Variants in PIGX observed in about 807,000 individuals in gnomAD.
PIGX encodes phosphatidylinositol glycan anchor biosynthesis class X, also known as GPI alpha-1,4-mannosyltransferase I, stabilizing subunit.
Under a neutral mutation model 28.7 loss-of-function variants are expected in PIGX, and 24 were observed. The observed-to-expected ratio is 0.84, with a 90% CI of 0.60 to 1.17. The LOEUF (loss-of-function observed/expected upper bound fraction) is 1.17. Ranked by LOEUF, PIGX falls within the 50% of genes most tolerant of loss-of-function variation. The pLI, the probability that PIGX is intolerant of heterozygous loss-of-function variation, is 0.00. For synonymous variants in PIGX, 127 were observed against 121.0 expected (o/e 1.05, Z -0.33); for missense variants, 305 against 317.8 (o/e 0.96, Z 0.31).
chr3:196,732,088 A>G, intron 5 of PIGX, among the ~76,000 whole-genome samples: 1 of 150,440 alleles, frequency 6.6e-6, no homozygotes. Flanking sequence ...AGCCTCCCAA[A>G]GTGCTGGGAT....
At chr3:196,721,500 A>T (rs891254737) in intron 2 of PIGX, 1 of 159,356 alleles carries the variant, frequency 6.3e-6, no homozygotes, top group African/African-American at 2.4e-5. Flanking sequence ...TAATGGCGCT[A>T]TCAGAGCTCA....
Position 196,722,436 on chromosome 3 carries a change from G to C in PIGX, c.198G>C (p.Lys66Asn). The stretch of plus-strand genomic sequence containing the variant: ...ACAGAGACCTTTTAATCAAAGTGAA[G>C]TTTGGGGAAAGCATTGAGGACTTGC... Residue 66 changes from lysine (K) to asparagine (N), a missense_variant, in exon 3 of 6, where the codon AAG (lysine) becomes AAC (asparagine). Transcript: ENST00000392391. 1.9e-6 allele frequency: 3 copies of C among 1,612,074 alleles called. No homozygotes were observed. The highest frequency in any genetic ancestry group is 2.2e-5 in the East Asian group (1 of 44,866).
chr3:196,715,633 A>G (rs561441381), intron 1 of PIGX, among the ~76,000 whole-genome samples: 17 of 152,298 alleles, frequency 1.1e-4, no homozygotes, highest in African/African-American at 4.1e-4. Context: ...GCAATATTCA[A>G]TGATAATAAC....
chr3:196,717,437 G>T (rs1259331229), intron 2 of PIGX, among the ~76,000 whole-genome samples: 2 of 152,110 alleles, frequency 1.3e-5, no homozygotes, highest in African/African-American at 4.8e-5. Context: ...ACGTACAGTT[G>T]TCCCTTGGTA....
At chr3:196,731,751 T>G (rs1231921734) in intron 5 of PIGX, among the ~76,000 whole-genome samples, 1 of 152,210 alleles carries the variant, frequency 6.6e-6, no homozygotes, top group Non-Finnish European at 1.5e-5. Context: ...GATTTATTGA[T>G]TTAGCAAATT....
At chr3:196,720,554 G>T (rs73892931) in intron 2 of PIGX, among the ~76,000 whole-genome samples, 2,279 of 152,224 alleles carry the variant, frequency 0.015, 53 homozygotes, top group African/African-American at 0.049. Flanking sequence ...CCCAGAAGTG[G>T]AATTGCTGGA....
At chr3:196,732,235 TATATATATATATATATA>T (rs1479482863) in intron 5 of PIGX, among the ~76,000 whole-genome samples, 12 of 65,208 alleles carry the variant, frequency 1.8e-4, no homozygotes, top group Admixed American at 1.4e-3. Flanking sequence ...TATATATATA[TATATATATATATATATA>T]TATATTTTAT....
chr3:196,719,909 C>T (rs1398369887), intron 2 of PIGX, among the ~76,000 whole-genome samples: 1 of 152,012 alleles, frequency 6.6e-6, no homozygotes, highest in Non-Finnish European at 1.5e-5. Context: ...TCTGCCTCAG[C>T]CTCCCGATTA....
intron 3 of PIGX, among the ~76,000 whole-genome samples, chr3:196,725,509 A>G (rs1712485823): frequency 6.6e-6 from 1 of 152,154 alleles, no homozygotes; most frequent in Non-Finnish European, 1.5e-5. Context: ...TGAGTTGAGG[A>G]GATAAAGTTG....
Position 196,727,972 on chromosome 3 carries a change from C to T in PIGX, c.368C>T (p.Ser123Phe). The change falls in exon 4 of 6, where the codon TCC (serine) becomes TTC (phenylalanine). Residue 123 changes from serine to phenylalanine, a missense_variant. Ser to Phe is a radical substitution (Grantham distance 155, BLOSUM62 -2). Coordinates refer to ENST00000392391, the MANE Select transcript of PIGX (RefSeq NM_017861.4). ...GATATAGAGGCCCCTAACTATTTGT[C>T]CAAGGAGTCTGAAGTTCTCATTTAT... The T allele has an allele frequency of 5.6e-6, 9 of 1,613,998 alleles. No homozygotes were observed. Among genetic ancestry groups the T allele is most frequent in the South Asian group, 3.3e-5 (3 of 91,076 alleles).
chr3:196,712,680 G>T, intron 1 of PIGX, 36 bp downstream of exon 1: 1 of 1,176,368 alleles, frequency 8.5e-7, no homozygotes, highest in South Asian at 4.2e-5. Context: ...CAGAGCGTGG[G>T]AGCGGTCCCG....
At chr3:196,714,140 C>A (rs1711983146) in intron 1 of PIGX, among the ~76,000 whole-genome samples, 2 of 152,148 alleles carry the variant, frequency 1.3e-5, no homozygotes, top group African/African-American at 4.8e-5. Flanking sequence ...TCCCACCCTA[C>A]CCCCATTAAA....
Position 196,716,854 on chromosome 3 carries a change from A to G in PIGX, c.113-4A>G. ...TTTAAAAAAAAATCGTTTGGTTCTT[A>G]TAGGCATAAGGGCCATGTGTTCTGA... is the stretch of plus-strand genomic sequence containing the variant. On this transcript the variant is annotated splice_polypyrimidine_tract_variant and splice_region_variant and intron_variant, in intron 1 of 5. Coordinates refer to ENST00000392391, the MANE Select transcript of PIGX (RefSeq NM_017861.4). 1 of 1,561,702 alleles carries G rather than the reference A, an allele frequency of 6.4e-7. No individual in the cohort carries two copies. Among genetic ancestry groups the G allele is most frequent in the Non-Finnish European group, 8.8e-7 (1 of 1,142,834 alleles).
At chr3:196,724,706 T>C (rs552479035) in intron 3 of PIGX, among the ~76,000 whole-genome samples, 2 of 152,274 alleles carry the variant, frequency 1.3e-5, no homozygotes, top group South Asian at 4.1e-4. Context: ...TCTAGAAAAA[T>C]AGATGTTACA....
intron 5 of PIGX, among the ~76,000 whole-genome samples, chr3:196,732,363 C>A (rs1712846008): frequency 1.4e-5 from 2 of 146,190 alleles, no homozygotes; most frequent in African/African-American, 5.1e-5. Context: ...CTCACCACAA[C>A]CTCCGCCTCC....
chr3:196,732,264 TTATTTTA>T lies in PIGX; in HGVS notation c.633+1174_633+1180del, dbSNP rs1560080781. Among the ~76,000 whole-genome samples, 51 of 51,632 alleles carry T rather than the reference TTATTTTA, an allele frequency of 9.9e-4. 7 individuals are homozygous for T. Among genetic ancestry groups the T allele is most frequent in the Admixed American group, 9.4e-3 (44 of 4,666 alleles). 33.9% of individuals were successfully genotyped at this position (51,632 alleles called of 152,430 possible). On this transcript the variant is annotated intron_variant, in intron 5 of 5. Coordinates refer to ENST00000392391, the MANE Select transcript of PIGX (RefSeq NM_017861.4). ...TATATATATATATATATATTTTATT[TTATTTTA>T]TTTTTTTTTTTATTTTATTTTTTTT...
chr3:196,715,267 C>G (rs969950180), intron 1 of PIGX, among the ~76,000 whole-genome samples: 4 of 152,096 alleles, frequency 2.6e-5, no homozygotes, highest in African/African-American at 9.7e-5. Context: ...TCTCGAAGAG[C>G]TGTAACACTA....
At chr3:196,728,968 TTGTC>T (rs1246560130) in intron 4 of PIGX, among the ~76,000 whole-genome samples, 2 of 152,062 alleles carry the variant, frequency 1.3e-5, no homozygotes, top group African/African-American at 4.8e-5. Flanking sequence ...GTTGCAGATT[TTGTC>T]TGTGAGTTTT....
chr3:196,713,960 G>A (rs1411495020), intron 1 of PIGX, among the ~76,000 whole-genome samples: 1 of 152,006 alleles, frequency 6.6e-6, no homozygotes, highest in East Asian at 1.9e-4. Context: ...TTTAAAAATG[G>A]TACTTTTGCC....
Sources: gnomAD v4.1 joint callset for allele counts (sites outside exome capture counted in the v4.1 genomes callset) on GRCh38, gnomAD v4.1.1 for gene constraint, MANE v1.5 for transcripts, NCBI Gene and HGNC (gene_info 2026-07-23, HGNC 2026-07-21) for gene names.